MYO1D: variants seen among roughly 807,000 people sequenced by gnomAD.
The protein encoded by MYO1D is unconventional myosin-Id.
MYO1D carries 83 observed loss-of-function variants against 122.0 expected under a neutral mutation model. The ratio of observed to expected loss-of-function variants is 0.68; its 90% CI spans 0.57 to 0.82. MYO1D has a LOEUF of 0.82. MYO1D is among the 40% of genes least tolerant of loss of function. MYO1D has a pLI of 0.00. For synonymous variants in MYO1D, 464 were observed against 446.9 expected (o/e 1.04, Z -0.48); for missense variants, 1,157 against 1,269.5 (o/e 0.91, Z 1.35).
rs58466009 is a variant in MYO1D, at chr17:32,818,125, C to CAAAA, written c.96-37345_96-37342dup. 1.2e-3 allele frequency among the ~76,000 whole-genome samples: 55 copies of CAAAA among 45,996 alleles called. 1 individual carries two copies. The South Asian group carries it at 0.014, about 12-fold the overall frequency. 30.2% of individuals were successfully genotyped at this position (45,996 alleles called of 152,430 possible). A position where few individuals can be genotyped will look rare whatever the true frequency, so the allele number is the denominator to read the frequency against. On this transcript the variant is annotated intron_variant, in intron 1 of 21. Coordinates refer to ENST00000318217, the MANE Select transcript of MYO1D (RefSeq NM_015194.3). Reference sequence around the variant, plus strand: ...TGGGCGACAGAGCGAGACTCCGTCTCAAAAAAAAAAAAAAAAAAAAGAGGT... The same window carrying CAAAA: ...TGGGCGACAGAGCGAGACTCCGTCTCAAAAAAAAAAAAAAAAAAAAAAAAGAGGT...
intron 12 of MYO1D, among the ~76,000 whole-genome samples, chr17:32,747,771 AG>A (rs1303442016): frequency 2.0e-5 from 3 of 151,854 alleles, no homozygotes; most frequent in Non-Finnish European, 4.4e-5. Context: ...TGGGAGGCGG[AG>A]GTTGCAGTGA....
intron 1 of MYO1D, among the ~76,000 whole-genome samples, chr17:32,839,466 G>C (rs1377446920): frequency 6.6e-6 from 1 of 152,218 alleles, no homozygotes; most frequent in East Asian, 1.9e-4. Flanking sequence ...GACTAAGTTA[G>C]GAGTAATTGC....
intron 4 of MYO1D, among the ~76,000 whole-genome samples, chr17:32,774,185 A>G (rs1417793806): frequency 6.6e-6 from 1 of 152,226 alleles, no homozygotes; most frequent in Non-Finnish European, 1.5e-5. Flanking sequence ...CTGGAGCTAA[A>G]GGCATAGTCA....
chr17:32,772,781 T>C lies in MYO1D; in HGVS notation c.618+8A>G. 6.2e-7 allele frequency: 1 copy of C among 1,603,290 alleles called. No homozygotes were observed. Among genetic ancestry groups the C allele is most frequent in the African/African-American group, 1.3e-5 (1 of 74,838 alleles). ...AATGATCAATTATCTGTATAATGGA[T>C]TACTAACCTGATAGAAAGAATGAAA... On this transcript the variant is annotated splice_region_variant and intron_variant, in intron 5 of 21. Transcript: ENST00000318217.
chr17:32,768,034 T>TCCC (rs1166557352), intron 6 of MYO1D, among the ~76,000 whole-genome samples: 1 of 152,194 alleles, frequency 6.6e-6, no homozygotes, highest in African/African-American at 2.4e-5. Context: ...GACAAGCTGA[T>TCCC]CCCCCACTCC....
intron 16 of MYO1D, among the ~76,000 whole-genome samples, chr17:32,695,143 T>A (rs1176496557): frequency 6.6e-6 from 1 of 151,088 alleles, no homozygotes; most frequent in South Asian, 2.1e-4. Flanking sequence ...AGATTTTCCA[T>A]GCACCGGCAT....
chr17:32,681,225 G>A (rs889817608), intron 16 of MYO1D, among the ~76,000 whole-genome samples: 13 of 151,614 alleles, frequency 8.6e-5, no homozygotes, highest in African/African-American at 1.7e-4. Context: ...TTGATTTTTC[G>A]AAGGGTTTTT....
chr17:32,710,643 C>G (rs2150985753), intron 16 of MYO1D, among the ~76,000 whole-genome samples: 1 of 152,172 alleles, frequency 6.6e-6, no homozygotes, highest in South Asian at 2.1e-4. Flanking sequence ...GGATAAAGTT[C>G]ATTAGAATGC....
At chr17:32,714,032 C>T (rs2089411949) in intron 15 of MYO1D, among the ~76,000 whole-genome samples, 1 of 150,962 alleles carries the variant, frequency 6.6e-6, no homozygotes, top group Admixed American at 6.6e-5. Context: ...AAAGTTTTCT[C>T]ATATGTCTTT....
intron 4 of MYO1D, among the ~76,000 whole-genome samples, chr17:32,775,154 T>C (rs971008315): frequency 7.9e-5 from 12 of 151,840 alleles, no homozygotes; most frequent in African/African-American, 2.7e-4. Context: ...AAAAAAAAAT[T>C]GCTGGGTATG....
At chr17:32,600,325 T>C (rs1047209894) in intron 21 of MYO1D, among the ~76,000 whole-genome samples, 1 of 152,214 alleles carries the variant, frequency 6.6e-6, no homozygotes, top group Non-Finnish European at 1.5e-5. Context: ...TTAAAGACAC[T>C]AGCTGCATTA....
At chr17:32,534,974 C>T (rs935500841) in intron 21 of MYO1D, among the ~76,000 whole-genome samples, 1 of 152,028 alleles carries the variant, frequency 6.6e-6, no homozygotes, top group African/African-American at 2.4e-5. Context: ...AACACACAAA[C>T]GTTTTGTTCT....
intron 21 of MYO1D, among the ~76,000 whole-genome samples, chr17:32,592,079 T>C (rs1385647914): frequency 1.3e-5 from 2 of 152,218 alleles, no homozygotes; most frequent in African/African-American, 4.8e-5. Context: ...ATGTGTTTTC[T>C]CTTTATTATA....
chr17:32,778,347 C>T (rs1000112065), intron 3 of MYO1D, 133 bp downstream of exon 3: 1 of 641,748 alleles, frequency 1.6e-6, no homozygotes, highest in Non-Finnish European at 2.7e-6. Context: ...ATCAAAGTAG[C>T]TTAATCATCA....
intron 21 of MYO1D, among the ~76,000 whole-genome samples, chr17:32,562,372 A>C (rs1313420119): frequency 8.0e-5 from 3 of 37,696 alleles, no homozygotes; most frequent in Non-Finnish European, 8.8e-5. Flanking sequence ...TTCTTTAATC[A>C]TTTAGACTGT....
chr17:32,818,463 G>A (rs1225348170), intron 1 of MYO1D, among the ~76,000 whole-genome samples: 3 of 152,184 alleles, frequency 2.0e-5, no homozygotes, highest in Admixed American at 6.5e-5. Context: ...GCAGATGCTC[G>A]ATGGACACAT....
chr17:32,510,586 C>T (rs982472626), intron 21 of MYO1D: 3 of 152,202 alleles, frequency 2.0e-5, no homozygotes, highest in African/African-American at 7.2e-5. Flanking sequence ...GAGGAGTACT[C>T]CATGGAGACT....
At chr17:32,829,789 A>G (rs2090755290) in intron 1 of MYO1D, among the ~76,000 whole-genome samples, 1 of 152,142 alleles carries the variant, frequency 6.6e-6, no homozygotes, top group South Asian at 2.1e-4. Flanking sequence ...GAAATGAGAG[A>G]GATACAGAAA....
At chr17:32,559,771 ATCTT>A (rs2087101036) in intron 21 of MYO1D, among the ~76,000 whole-genome samples, 1 of 152,164 alleles carries the variant, frequency 6.6e-6, no homozygotes, top group Non-Finnish European at 1.5e-5. Context: ...ACGTTTTACT[ATCTT>A]TAACTTCTCT....
Sources: gnomAD v4.1 joint callset for allele counts (sites outside exome capture counted in the v4.1 genomes callset) on GRCh38, gnomAD v4.1.1 for gene constraint, MANE v1.5 for transcripts, NCBI Gene and HGNC (gene_info 2026-07-23, HGNC 2026-07-21) for gene names.